The following SLC12A2 variants were observed in gnomAD, a reference collection of about 807,000 sequenced individuals.
SLC12A2 encodes Na-K-2Cl cotransporter 1.
A neutral mutation model predicts 136.3 loss-of-function variants in SLC12A2; 67 were observed. That is an observed-to-expected ratio of 0.49 (90% confidence interval 0.40 to 0.60). SLC12A2 has a LOEUF of 0.60. Ranked by LOEUF, SLC12A2 falls within the 20% of genes least tolerant of loss-of-function variation. SLC12A2 has a pLI of 0.00. For synonymous variants in SLC12A2, 619 were observed against 562.9 expected (o/e 1.10, Z -1.41); for missense variants, 1,322 against 1,534.7 (o/e 0.86, Z 2.32).
At position 128,171,665 on chromosome 5, in the gene SLC12A2, A is replaced by G; in HGVS notation, c.2724-2A>G. The G allele has an allele frequency of 1.3e-6, 2 of 1,557,738 alleles. No individual in the cohort carries two copies. Among genetic ancestry groups the G allele is most frequent in the Non-Finnish European group, 1.7e-6 (2 of 1,157,968 alleles). ...TTTCATTTTTTGTTTTTTTGTTCTT[A>G]GTGATGCTTTTGACATACAATATGG... is the stretch of plus-strand genomic sequence containing the variant. On this transcript the variant is annotated splice_acceptor_variant, in intron 18 of 26. Transcript: ENST00000262461. LOFTEE classifies it high-confidence loss of function.
At chr5:128,149,751 T>C (rs1407963124) in intron 12 of SLC12A2, among the ~76,000 whole-genome samples, 4 of 151,900 alleles carry the variant, frequency 2.6e-5, no homozygotes, top group Admixed American at 1.3e-4. Context: ...ATAATATGAC[T>C]GGACAGAATA....
chr5:128,094,051 CT>C (rs746148289), intron 1 of SLC12A2, among the ~76,000 whole-genome samples: 14 of 151,946 alleles, frequency 9.2e-5, no homozygotes, highest in Non-Finnish European at 1.8e-4. Context: ...CACCTCAGTC[CT>C]TATTTCTTTT....
intron 1 of SLC12A2, among the ~76,000 whole-genome samples, chr5:128,104,649 AT>A (rs201339119): frequency 0.016 from 2,139 of 135,486 alleles, 18 homozygotes; most frequent in Non-Finnish European, 0.02. Flanking sequence ...AGAAAAAAAA[AT>A]ATATATATAT....
chr5:128,099,408 C>G (rs980803267), intron 1 of SLC12A2, among the ~76,000 whole-genome samples: 1 of 152,140 alleles, frequency 6.6e-6, no homozygotes, highest in African/African-American at 2.4e-5. Flanking sequence ...CTAGAAGTTA[C>G]TCTGAGTGAA....
Position 128,187,235 on chromosome 5 carries a change from T to G in SLC12A2, c.*604T>G, listed in dbSNP as rs116102846. 24 of 152,828 alleles carry G rather than the reference T, an allele frequency of 1.6e-4. No individual in the cohort carries two copies. The highest frequency in any genetic ancestry group is 5.3e-4 in the African/African-American group (22 of 41,544). 9.5% of individuals were successfully genotyped at this position (152,828 alleles called of 1,614,324 possible). On this transcript the variant is annotated 3_prime_UTR_variant, in exon 27 of 27. Transcript: ENST00000262461. ...TGGTAACCAAAAAGTAACCCCATGG[T>G]AAGGTTTATATGAGTATATGTGAAT...
Position 128,147,609 on chromosome 5 carries a change from AC to A in SLC12A2, c.1774-12del. The A allele has an allele frequency of 6.5e-7, 1 of 1,529,416 alleles. No individual in the cohort carries two copies. The highest frequency in any genetic ancestry group is 9.0e-7 in the Non-Finnish European group (1 of 1,107,492). The allele number at this position is 1,529,416 out of a possible 1,614,324, so 94.7% of individuals were successfully genotyped here. On this transcript the variant is annotated splice_polypyrimidine_tract_variant and intron_variant, in intron 10 of 26. Coordinates refer to ENST00000262461, the MANE Select transcript of SLC12A2 (RefSeq NM_001046.3). ...TGAGATTTATTTTTCCATTTTTGTC[AC>A]TTTTATTTAAGGTAATGAGTATGGT...
intron 1 of SLC12A2, among the ~76,000 whole-genome samples, chr5:128,107,312 C>CT (rs1213230749): frequency 6.6e-6 from 1 of 152,210 alleles, no homozygotes; most frequent in South Asian, 2.1e-4. Flanking sequence ...TTGAATTATA[C>CT]TTTAAGTTCT....
chr5:128,109,609 C>T (rs1050423170), intron 1 of SLC12A2: 18 of 749,846 alleles, frequency 2.4e-5, no homozygotes, highest in South Asian at 4.2e-5. Flanking sequence ...AAGCAGACAT[C>T]GTCCTTCCTA....
Position 128,174,633 on chromosome 5 carries a change from A to G in SLC12A2, c.2896A>G (p.Lys966Glu), listed in dbSNP as rs746960429. The change falls in exon 20 of 27, where the codon AAA becomes GAA. Residue 966 changes from lysine to glutamate, a missense_variant. Lys to Glu is a moderately conservative substitution (Grantham distance 56). Coordinates refer to ENST00000262461, the MANE Select transcript of SLC12A2 (RefSeq NM_001046.3). ...TAAAAAGTCCGATTTAGATACTTCC[A>G]AACCACTCAGTGAAAAACCAATTAC... ...YSKKSDLDTSKPLSEKPITHK... is the reference protein window; with the variant it reads ...YSKKSDLDTSEPLSEKPITHK... 7 of 1,606,182 alleles carry G rather than the reference A, an allele frequency of 4.4e-6. No homozygotes were observed. In the African/African-American group the frequency reaches 9.4e-5, roughly 21 times the overall value.
intron 19 of SLC12A2, among the ~76,000 whole-genome samples, chr5:128,172,943 C>T (rs1262380619): frequency 6.8e-6 from 1 of 147,474 alleles, no homozygotes; most frequent in Non-Finnish European, 1.5e-5. Context: ...AAGAGCAAGA[C>T]TCAAAAAATA....
chr5:128,088,021 G>T (rs1760165865), intron 1 of SLC12A2, among the ~76,000 whole-genome samples: 1 of 151,308 alleles, frequency 6.6e-6, no homozygotes, highest in African/African-American at 2.4e-5. Context: ...GTGTGTGTGT[G>T]TGTGTGTGTG....
intron 18 of SLC12A2, 43 bp from the exon 19 acceptor site, chr5:128,171,624 A>AT (rs3214907): frequency 0.24 from 284,512 of 1,191,010 alleles, 21,936 homozygotes; most frequent in African/African-American, 0.48. Flanking sequence ...AATTTTTGTG[A>AT]TTTTTTTTTT....
chr5:128,122,006 T>C (rs76348132), intron 4 of SLC12A2, among the ~76,000 whole-genome samples: 2,082 of 152,294 alleles, frequency 0.014, 51 homozygotes, highest in African/African-American at 0.048. Flanking sequence ...ATTCATAGAA[T>C]AGAGGACAAC....
At chr5:128,118,233 G>A (rs561848683) in intron 4 of SLC12A2, among the ~76,000 whole-genome samples, 1 of 152,182 alleles carries the variant, frequency 6.6e-6, no homozygotes, top group East Asian at 1.9e-4. Context: ...CCAAACAAAG[G>A]AAAATAAGTC....
At chr5:128,088,751 A>G (rs1408483127) in intron 1 of SLC12A2, among the ~76,000 whole-genome samples, 2 of 152,170 alleles carry the variant, frequency 1.3e-5, no homozygotes, top group African/African-American at 4.8e-5. Flanking sequence ...CTCATTAACA[A>G]GGGGAAAGGT....
intron 26 of SLC12A2, among the ~76,000 whole-genome samples, chr5:128,185,900 G>A (rs1472862819): frequency 6.6e-6 from 1 of 151,986 alleles, no homozygotes; most frequent in Non-Finnish European, 1.5e-5. Context: ...TATGATGGTG[G>A]TACCATAAGA....
At chr5:128,140,773 G>A (rs989695039) in intron 9 of SLC12A2, among the ~76,000 whole-genome samples, 5 of 151,878 alleles carry the variant, frequency 3.3e-5, no homozygotes, top group East Asian at 1.9e-4. Context: ...TTAGGGCTGG[G>A]GGGATTTGCA....
At chr5:128,144,794 T>C (rs1020058311) in intron 10 of SLC12A2, among the ~76,000 whole-genome samples, 25 of 152,200 alleles carry the variant, frequency 1.6e-4, no homozygotes, top group Non-Finnish European at 4.4e-5. Context: ...GTGCCTGACT[T>C]CAAGGCCACT....
Position 128,152,702 on chromosome 5 carries a change from A to G in SLC12A2, c.2264-4A>G. The G allele has an allele frequency of 6.3e-7, 1 of 1,582,098 alleles. No homozygotes were observed. ...AATGCTGCATGAACATTATCTTCCC[A>G]CAGATGTGAATTGGGGATCCTCTAC... On this transcript the variant is annotated splice_polypyrimidine_tract_variant and splice_region_variant and intron_variant, in intron 14 of 26. Transcript: ENST00000262461.
Sources: allele counts gnomAD v4.1 joint callset (sites outside exome capture counted in the v4.1 genomes callset), GRCh38; gene constraint gnomAD v4.1.1; transcripts MANE v1.5; gene names NCBI Gene and HGNC (gene_info 2026-07-23, HGNC 2026-07-21).